The following RBFOX1 variants were observed in gnomAD, a reference collection of about 807,000 sequenced individuals.
RBFOX1 encodes RNA binding fox-1 homolog 1, also known as RNA binding protein fox-1 homolog 1.
In RBFOX1, 8 loss-of-function variants were observed where a neutral mutation model predicts 57.7. The observed-to-expected ratio is 0.14, with a 90% confidence interval of 0.08 to 0.25. The LOEUF (loss-of-function observed/expected upper bound fraction) is 0.25, where lower values mean the gene tolerates loss of function less well. Ranked by LOEUF, RBFOX1 falls within the 10% of genes least tolerant of loss-of-function variation. The pLI is 1.00. For synonymous variants in RBFOX1, 326 were observed against 222.4 expected, an observed-to-expected ratio of 1.47 and a Z score of -4.15; for missense variants, 611 against 548.5, an observed-to-expected ratio of 1.11 and a Z score of -1.14.
chr16:7,380,055 G>T (rs180997801), intron 4 of RBFOX1, among the ~76,000 whole-genome samples: 167 of 152,222 alleles, frequency 1.1e-3, no homozygotes, highest in African/African-American at 3.7e-3. Flanking sequence ...AGAGTGTCTT[G>T]CTATGTTTCC....
chr16:6,063,430 C>T (rs184056889), intron 1 of RBFOX1, among the ~76,000 whole-genome samples: 24 of 151,304 alleles, frequency 1.6e-4, no homozygotes, highest in Admixed American at 1.3e-3. Context: ...TTGTCTCAAG[C>T]ATTATCCATC....
chr16:5,948,132 A>C (rs1278725946), intron 4 of RBFOX1, among the ~76,000 whole-genome samples: 2 of 152,024 alleles, frequency 1.3e-5, no homozygotes, highest in Non-Finnish European at 2.9e-5. Context: ...GAAACAGGAC[A>C]GGGGTGACTC....
intron 4 of RBFOX1, among the ~76,000 whole-genome samples, chr16:7,099,572 G>A (rs191824839): frequency 6.6e-6 from 1 of 152,264 alleles, no homozygotes; most frequent in African/African-American, 2.4e-5. Context: ...CTGAGGTTAA[G>A]GTTGCACCCT....
intron 3 of RBFOX1, among the ~76,000 whole-genome samples, chr16:6,956,334 A>T (rs1384727127): frequency 2.0e-5 from 3 of 152,158 alleles, no homozygotes; most frequent in African/African-American, 2.4e-5. Context: ...CACATTAATT[A>T]TTCCCCAAAG....
Position 6,247,007 on chromosome 16 carries a change from T to C in RBFOX1, c.-126-69988T>C, listed in dbSNP as rs112321600. ...ATCGCTTGAACCCAGGAAGTAGAGG[T>C]TGTGGTGAGTCGAGATTGCACCATT... On this transcript the variant is annotated intron_variant, in intron 1 of 15. Transcript: ENST00000550418. 1.2e-3 allele frequency among the ~76,000 whole-genome samples: 184 copies of C among 152,122 alleles called. 1 individual carries two copies. Among genetic ancestry groups the C allele is most frequent in the African/African-American group, 4.2e-3 (176 of 41,476 alleles).
chr16:7,677,424 T>C (rs1255581522), intron 14 of RBFOX1, among the ~76,000 whole-genome samples: 2 of 152,190 alleles, frequency 1.3e-5, no homozygotes, highest in South Asian at 4.1e-4. Context: ...AGCCAGCTTT[T>C]ATTTGTAATG....
chr16:6,753,937 C>G (rs2075372352), intron 3 of RBFOX1, among the ~76,000 whole-genome samples: 1 of 152,064 alleles, frequency 6.6e-6, no homozygotes, highest in Admixed American at 6.6e-5. Flanking sequence ...TGCTTAATTA[C>G]TGAAGGAGAA....
At chr16:5,300,555 C>G (rs946708831) in intron 1 of RBFOX1, among the ~76,000 whole-genome samples, 35 of 152,078 alleles carry the variant, frequency 2.3e-4, no homozygotes, top group African/African-American at 8.0e-4. Context: ...CTATTATTTT[C>G]TGAAAGAATT....
intron 3 of RBFOX1, among the ~76,000 whole-genome samples, chr16:6,857,830 T>C (rs931149678): frequency 6.6e-6 from 1 of 152,212 alleles, no homozygotes; most frequent in East Asian, 1.9e-4. Flanking sequence ...TAATTAATTA[T>C]AGTGTGTTTG....
chr16:7,531,944 A>G (rs1474254522), intron 5 of RBFOX1, among the ~76,000 whole-genome samples: 1 of 152,066 alleles, frequency 6.6e-6, no homozygotes, highest in African/African-American at 2.4e-5. Context: ...CATAGAGTGA[A>G]AGAGGCCTTC....
intron 2 of RBFOX1, among the ~76,000 whole-genome samples, chr16:6,516,040 G>A (rs1279531257): frequency 1.3e-5 from 2 of 151,902 alleles, no homozygotes; most frequent in Admixed American, 6.6e-5. Flanking sequence ...GTCTTGCTCT[G>A]TATCCCAGAG....
chr16:5,994,373 G>C (rs1215583392), intron 4 of RBFOX1, among the ~76,000 whole-genome samples: 3 of 152,212 alleles, frequency 2.0e-5, no homozygotes, highest in Non-Finnish European at 2.9e-5. Context: ...TATTGGCCAG[G>C]CTGGTCTCGA....
intron 2 of RBFOX1, among the ~76,000 whole-genome samples, chr16:6,619,430 C>G (rs969273620): frequency 1.3e-5 from 2 of 152,168 alleles, no homozygotes; most frequent in East Asian, 3.9e-4. Context: ...TCTGCAAACT[C>G]ATTTGTGAAA....
At chr16:5,491,877 A>C (rs1004981560) in intron 2 of RBFOX1, among the ~76,000 whole-genome samples, 1 of 152,240 alleles carries the variant, frequency 6.6e-6, no homozygotes, top group Non-Finnish European at 1.5e-5. Flanking sequence ...GTAACAACAG[A>C]CAAACATACA....
intron 4 of RBFOX1, among the ~76,000 whole-genome samples, chr16:7,247,373 G>A (rs1260584876): frequency 2.0e-5 from 3 of 152,124 alleles, no homozygotes; most frequent in Non-Finnish European, 2.9e-5. Context: ...AGTACACTCT[G>A]CCCATGGAGG....
intron 2 of RBFOX1, among the ~76,000 whole-genome samples, chr16:6,653,074 C>A (rs535150188): frequency 6.6e-6 from 1 of 152,240 alleles, no homozygotes; most frequent in African/African-American, 2.4e-5. Context: ...TGCATTTCCC[C>A]CTTGGGGCTT....
intron 4 of RBFOX1, among the ~76,000 whole-genome samples, chr16:7,264,811 A>C (rs1460234102): frequency 7.2e-5 from 11 of 152,320 alleles, no homozygotes; most frequent in Non-Finnish European, 7.4e-5. Context: ...CCCTGGTCCA[A>C]ACTTTAAAGT....
chr16:7,101,723 G>C (rs1013395742), intron 4 of RBFOX1, among the ~76,000 whole-genome samples: 2 of 152,106 alleles, frequency 1.3e-5, no homozygotes, highest in Non-Finnish European at 2.9e-5. Context: ...GTATTTGCTT[G>C]CCGCAGAAGA....
At chr16:5,680,752 C>T (rs963566237) in intron 3 of RBFOX1, among the ~76,000 whole-genome samples, 1 of 152,122 alleles carries the variant, frequency 6.6e-6, no homozygotes, top group African/African-American at 2.4e-5. Flanking sequence ...GGTGAAGCTG[C>T]CTATGATAAG....
Sources: gnomAD v4.1 joint callset for allele counts (sites outside exome capture counted in the v4.1 genomes callset) on GRCh38, gnomAD v4.1.1 for gene constraint, MANE v1.5 for transcripts, NCBI Gene and HGNC (gene_info 2026-07-23, HGNC 2026-07-21) for gene names.